Variants in MXRA8 observed in about 807,000 individuals in gnomAD.
MXRA8 encodes the protein matrix remodeling associated 8.
MXRA8 carries 44 observed loss-of-function variants against 51.4 expected under a neutral mutation model. The ratio of observed to expected loss-of-function variants is 0.86; its 90% CI spans 0.67 to 1.10. The LOEUF (loss-of-function observed/expected upper bound fraction) is 1.10. MXRA8 is among the 50% of genes least tolerant of loss of function. MXRA8 has a pLI of 0.00. For synonymous variants in MXRA8, 369 were observed against 293.5 expected (o/e 1.26, Z -2.63); for missense variants, 765 against 638.9 (o/e 1.20, Z -2.13).
At position 1,355,328 on chromosome 1, in the gene MXRA8, C is replaced by T. The variant is rs144784794; in HGVS notation, c.394G>A (p.Ala132Thr). 179 of 1,576,978 alleles carry T rather than the reference C, an allele frequency of 1.1e-4. No individual in the cohort carries two copies. The Middle Eastern group carries it at 2.0e-3, about 17-fold the overall frequency. Reference protein sequence around the residue: ...LLIRAVEETDAGLYTCNLHHH... With the variant: ...LLIRAVEETDTGLYTCNLHHH... Reference sequence around the variant, plus strand: ...TGCAGGTTGCAGGTGTACAGCCCCGCGTCCGTCTCCTCCACCGCTGCGCAC... The same window carrying T: ...TGCAGGTTGCAGGTGTACAGCCCCGTGTCCGTCTCCTCCACCGCTGCGCAC... The change falls in exon 4 of 10, where the codon GCG (alanine) becomes ACG (threonine). Residue 132 changes from alanine to threonine, a missense_variant. Transcript: ENST00000309212.
chr1:1,353,624 G>A lies in MXRA8; in HGVS notation c.1309C>T (p.Arg437Trp), dbSNP rs749797745. 49 of 1,563,456 alleles carry A rather than the reference G, an allele frequency of 3.1e-5. No homozygotes were observed. Among genetic ancestry groups the A allele is most frequent in the Admixed American group, 5.7e-5 (3 of 52,800 alleles). Residue 437 changes from arginine to tryptophan, a missense_variant, in exon 10 of 10, where the codon CGG becomes TGG. Coordinates refer to ENST00000309212, the MANE Select transcript of MXRA8 (RefSeq NM_032348.4). ...CCTCCCTATTTGCAGTTCTCCTTCC[G>A]GAACCCTGGAAGCCAAGGGCGCCAA... The part of the protein sequence containing the change: ...AKYIDLDKGF[R>W]KENCK
chr1:1,353,764 G>A, intron 9 of MXRA8, 84 bp downstream of exon 9: 2 of 1,478,554 alleles, frequency 1.4e-6, no homozygotes, highest in South Asian at 1.3e-5. Flanking sequence ...GGCCTGGCTG[G>A]TGCCTGCCAT....
rs766956876 is a variant in MXRA8, at chr1:1,354,426, C to T, written c.1033G>A (p.Val345Met). The change falls in exon 6 of 10, where the codon GTG becomes ATG. Residue 345 changes from valine to methionine, a missense_variant. Coordinates refer to ENST00000309212, the MANE Select transcript of MXRA8 (RefSeq NM_032348.4). The part of the protein sequence containing the change: ...RAHFFQQLGY[V>M]LATLLLFILL... ...ATGAAGAGCAGCAGCGTGGCCAGCA[C>T]GTAGCCCAGCTGCTGGAAGAAGTGG... 9 of 1,612,448 alleles carry T rather than the reference C, an allele frequency of 5.6e-6. No homozygotes were observed. The East Asian group carries it at 1.8e-4, about 32-fold the overall frequency.
At chr1:1,360,935 CAGACACGCATGCACATGAAGACACGG>C (rs1318034122), upstream of MXRA8, among the ~76,000 whole-genome samples, 17 of 152,046 alleles carry the variant, frequency 1.1e-4, no homozygotes, top group East Asian at 3.1e-3. Flanking sequence ...CATGGAGACA[CAGACACGCATGCACATGAAGACACGG>C]AGACACACAG....
At chr1:1,359,144 C>A (rs1337011613), upstream of MXRA8, 1 of 985,248 alleles carries the variant, frequency 1.0e-6, no homozygotes, top group Non-Finnish European at 1.2e-6. Context: ...GTCCCCTTTA[C>A]AACCTGGAGA....
Position 1,354,230 on chromosome 1 carries a change from A to C in MXRA8, c.1108T>G (p.Tyr370Asp). 1 of 1,612,316 alleles carries C rather than the reference A, an allele frequency of 6.2e-7. No homozygotes were observed. Among genetic ancestry groups the C allele is most frequent in the Non-Finnish European group, 8.5e-7 (1 of 1,179,854 alleles). Residue 370 changes from tyrosine (Y) to aspartate (D), a missense_variant and splice_region_variant, in exon 7 of 10, where the codon TAC (tyrosine) becomes GAC (aspartate). Coordinates refer to ENST00000309212, the MANE Select transcript of MXRA8 (RefSeq NM_032348.4). ...CCCGACTTCTGGTCCGAGTATTCGT[A>C]GCCTGGGAAGGAGACTCACATTGGG... is the stretch of plus-strand genomic sequence containing the variant. ...LLAARRRRGG[Y>D]EYSDQKSGKS...
intron 1 of MXRA8, among the ~76,000 whole-genome samples, chr1:1,357,743 G>A (rs962819542): frequency 6.6e-6 from 1 of 152,204 alleles, no homozygotes; most frequent in African/African-American, 2.4e-5. Context: ...CCGGGAGGTG[G>A]AGGTTGCAGT....
intron 2 of MXRA8, among the ~76,000 whole-genome samples, chr1:1,356,454 G>A (rs1274404456): frequency 6.9e-6 from 1 of 145,918 alleles, no homozygotes; most frequent in Admixed American, 6.7e-5. Context: ...TGGTGGGTGT[G>A]CGGGAGTCTG....
In MXRA8 at chr1:1,354,959, G is replaced by T; in HGVS notation, c.672C>A (p.Asp224Glu). The T allele has an allele frequency of 6.2e-7, 1 of 1,600,086 alleles. No individual in the cohort carries two copies. Among genetic ancestry groups the T allele is most frequent in the Non-Finnish European group, 8.5e-7 (1 of 1,174,494 alleles). The change falls in exon 5 of 10, where the codon GAC (aspartate) becomes GAA (glutamate). Residue 224 changes from aspartate to glutamate, a missense_variant. By Grantham distance (45) the Asp-to-Glu change is conservative. Coordinates refer to ENST00000309212, the MANE Select transcript of MXRA8 (RefSeq NM_032348.4). Reference sequence around the variant, plus strand: ...CGCGGCGCTCGCCCGACGCGTAGAGGTCCAGCAGGCGGTCCGCGCGGTCGT... The same window carrying T: ...CGCGGCGCTCGCCCGACGCGTAGAGTTCCAGCAGGCGGTCCGCGCGGTCGT... The part of the protein sequence containing the change: ...VPHDRADRLL[D>E]LYASGERRAY...
chr1:1,354,220 G>C lies in MXRA8; in HGVS notation c.1118C>G (p.Ser373Trp), dbSNP rs762685249. Residue 373 changes from serine to tryptophan, a missense_variant, in exon 7 of 10, where the codon TCG becomes TGG. Ser to Trp is a radical substitution (Grantham distance 177). Transcript: ENST00000309212. ...CTTTGACTTTCCCGACTTCTGGTCC[G>C]AGTATTCGTAGCCTGGGAAGGAGAC... Reference protein sequence around the residue: ...ARRRRGGYEYSDQKSGKSKGK... With the variant: ...ARRRRGGYEYWDQKSGKSKGK... The C allele has an allele frequency of 1.2e-6, 2 of 1,612,504 alleles. No individual in the cohort carries two copies. Among genetic ancestry groups the C allele is most frequent in the South Asian group, 2.2e-5 (2 of 91,040 alleles).
Position 1,353,413 on chromosome 1 carries a change from T to TG in MXRA8, c.*190dup. The TG allele has an allele frequency of 6.5e-7, 1 of 1,527,384 alleles. No individual in the cohort carries two copies. The highest frequency in any genetic ancestry group is 8.8e-7 in the Non-Finnish European group (1 of 1,134,236). 94.6% of individuals were successfully genotyped at this position (1,527,384 alleles called of 1,614,324 possible). On this transcript the variant is annotated 3_prime_UTR_variant, in exon 10 of 10. Coordinates refer to ENST00000309212, the MANE Select transcript of MXRA8 (RefSeq NM_032348.4). ...CACCCGTGAGCAAAGGCCGCAGGGG[T>TG]GGGGGCTATGCTGCCACCAAGCCCC... is the stretch of plus-strand genomic sequence containing the variant.
upstream of MXRA8, chr1:1,361,564 G>T (rs543044309): frequency 2.0e-6 from 1 of 496,874 alleles, no homozygotes; most frequent in African/African-American, 1.9e-5. Context: ...GCTGCCAGGA[G>T]TGGTCTTGGG....
chr1:1,359,510 A>C (rs1407608588), upstream of MXRA8: 3 of 985,308 alleles, frequency 3.0e-6, no homozygotes, highest in Admixed American at 6.1e-5. Context: ...CCGCCCGCCC[A>C]CTTGGAGTGA....
rs1644033249 is a variant in MXRA8 at position 1,352,997 on chromosome 1, CAGA to C, written c.*604_*606del. ...CAGCCCCAGGTGGCCCAAAGCAACA[CAGA>C]GGAGCAAGGGCTGGCATTCAAGTCA... is the stretch of plus-strand genomic sequence containing the variant. On this transcript the variant is annotated 3_prime_UTR_variant, in exon 10 of 10. Transcript: ENST00000309212. 1 of 524,982 alleles carries C rather than the reference CAGA, an allele frequency of 1.9e-6. No homozygotes were observed. The allele number at this position is 524,982 out of a possible 1,614,324, so 32.5% of individuals were successfully genotyped here. A position where few individuals can be genotyped will look rare whatever the true frequency, so the allele number is the denominator to read the frequency against.
upstream of MXRA8, chr1:1,358,860 G>A: frequency 3.8e-6 from 4 of 1,048,280 alleles, no homozygotes; most frequent in African/African-American, 1.7e-5. Flanking sequence ...GTGAAGGGTT[G>A]GGACTGTTGG....
upstream of MXRA8, chr1:1,359,131 C>T (rs903152694): frequency 1.4e-5 from 14 of 985,412 alleles, no homozygotes; most frequent in East Asian, 4.5e-4. Flanking sequence ...CTGCCAGTCA[C>T]TAGTCCCCTT....
upstream of MXRA8, among the ~76,000 whole-genome samples, chr1:1,360,841 C>T (rs1469368145): frequency 6.6e-6 from 1 of 152,206 alleles, no homozygotes; most frequent in Admixed American, 6.5e-5. Context: ...TATTCACTCC[C>T]ATGAGTGTGC....
upstream of MXRA8, among the ~76,000 whole-genome samples, chr1:1,360,022 C>T (rs981283309): frequency 2.3e-4 from 35 of 152,342 alleles, no homozygotes; most frequent in African/African-American, 8.4e-4. Flanking sequence ...TCCCTGTTCC[C>T]TCTCTCCCCA....
chr1:1,355,504 G>C lies in MXRA8; in HGVS notation c.322C>G (p.Leu108Val). The C allele has an allele frequency of 6.6e-7, 1 of 1,509,218 alleles. No homozygotes were observed. The highest frequency in any genetic ancestry group is 8.8e-7 in the Non-Finnish European group (1 of 1,140,234). The allele number at this position is 1,509,218 out of a possible 1,614,324, so 93.5% of individuals were successfully genotyped here. Residue 108 changes from leucine to valine, a missense_variant, in exon 3 of 10, where the codon CTG becomes GTG. Leu to Val is a conservative substitution (Grantham distance 32, BLOSUM62 1). Coordinates refer to ENST00000309212, the MANE Select transcript of MXRA8 (RefSeq NM_032348.4). ...RVYEARDRGR[L>V]ELSASAFDDG... is the part of the protein sequence containing the mutation. ...TCGAAGGCCGAGGCCGAGAGCTCCA[G>C]GCGGCCGCGGTCCCGCGCCTCGTAC...
Sources: allele counts gnomAD v4.1 joint callset (sites outside exome capture counted in the v4.1 genomes callset), GRCh38; gene constraint gnomAD v4.1.1; transcripts MANE v1.5; gene names NCBI Gene and HGNC (gene_info 2026-07-23, HGNC 2026-07-21).